DLGAP1: variants seen among roughly 807,000 people sequenced by gnomAD.
The protein encoded by DLGAP1 is disks large-associated protein 1.
Under a neutral mutation model 90.8 loss-of-function variants are expected in DLGAP1, and 11 were observed. The observed-to-expected ratio is 0.12, with a 90% CI of 0.08 to 0.20. The LOEUF is 0.20. Among genes scored for constraint, DLGAP1 ranks in the 10% least tolerant of loss-of-function variants. DLGAP1 has a pLI of 1.00. For synonymous variants in DLGAP1, 558 were observed against 540.7 expected, an observed-to-expected ratio of 1.03 and a Z score of -0.44; for missense variants, 1,050 against 1,333.8, an observed-to-expected ratio of 0.79 and a Z score of 3.31.
At chr18:4,014,084 CT>C (rs11422016) in intron 2 of DLGAP1, 43 of 126,458 alleles carry the variant, frequency 3.4e-4, no homozygotes, top group South Asian at 5.1e-4. Flanking sequence ...ACTTAGCCCA[CT>C]TTTTTTTTTT....
intron 5 of DLGAP1, among the ~76,000 whole-genome samples, chr18:3,796,911 C>T (rs2066017397): frequency 6.6e-6 from 1 of 152,112 alleles, no homozygotes; most frequent in African/African-American, 2.4e-5. Context: ...TGTTTTCCTC[C>T]TGATTCATAT....
intron 3 of DLGAP1, among the ~76,000 whole-genome samples, chr18:3,898,931 A>C (rs532554227): frequency 6.6e-6 from 1 of 151,648 alleles, no homozygotes; most frequent in East Asian, 1.9e-4. Flanking sequence ...AAGTAAAGTA[A>C]AGGATTCTAG....
rs886660692 is a variant in DLGAP1, at chr18:3,568,178, C to T, written c.1966-597G>A. On this transcript the variant is annotated intron_variant, in intron 8 of 12. Transcript: ENST00000315677. ...CCTCCCAAAGTGTTGAGATTACAGGCGTGAGCCACCACGCCCGGCCTGGAA... is the reference window on the plus strand; with the variant it reads ...CCTCCCAAAGTGTTGAGATTACAGGTGTGAGCCACCACGCCCGGCCTGGAA... 9.9e-5 allele frequency among the ~76,000 whole-genome samples: 15 copies of T among 152,116 alleles called. No homozygotes were observed. In the East Asian group the frequency reaches 2.5e-3, roughly 25 times the overall value.
intron 1 of DLGAP1, among the ~76,000 whole-genome samples, chr18:4,215,731 G>A (rs534642883): frequency 6.6e-6 from 1 of 152,198 alleles, no homozygotes; most frequent in Non-Finnish European, 1.5e-5. Context: ...TAAAACTCAA[G>A]TAATGGCTTG....
intron 1 of DLGAP1, among the ~76,000 whole-genome samples, chr18:4,161,553 T>C (rs1306298589): frequency 6.6e-6 from 1 of 152,164 alleles, no homozygotes; most frequent in Non-Finnish European, 1.5e-5. Context: ...GCAATGAACA[T>C]AAGTTTTCCC....
intron 1 of DLGAP1, among the ~76,000 whole-genome samples, chr18:4,420,084 T>C (rs529513571): frequency 5.3e-5 from 8 of 152,312 alleles, no homozygotes; most frequent in Admixed American, 2.6e-4. Flanking sequence ...TGAGAAATAT[T>C]ATCAGTGATA....
chr18:3,710,142 C>T (rs1226830289), intron 7 of DLGAP1, among the ~76,000 whole-genome samples: 1 of 152,136 alleles, frequency 6.6e-6, no homozygotes, highest in Non-Finnish European at 1.5e-5. Flanking sequence ...GTGCAGTGGG[C>T]TCTCTCCATA....
At chr18:3,798,320 G>A (rs1032154641) in intron 5 of DLGAP1, among the ~76,000 whole-genome samples, 16 of 152,210 alleles carry the variant, frequency 1.1e-4, no homozygotes, top group African/African-American at 3.6e-4. Flanking sequence ...CATAGTCAGA[G>A]GACAAAGCTG....
At chr18:3,597,499 C>T (rs1049774531) in intron 7 of DLGAP1, 25 of 342,282 alleles carry the variant, frequency 7.3e-5, no homozygotes, top group Admixed American at 4.6e-5. Context: ...GTGTATGAAC[C>T]AGGGTCCGTC....
chr18:4,249,596 T>C (rs192975557), intron 1 of DLGAP1, among the ~76,000 whole-genome samples: 22 of 152,284 alleles, frequency 1.4e-4, no homozygotes, highest in African/African-American at 5.3e-4. Flanking sequence ...TTTATTTATT[T>C]TTTTCTTTTG....
intron 2 of DLGAP1, among the ~76,000 whole-genome samples, chr18:4,134,731 C>A (rs996025514): frequency 6.6e-6 from 1 of 152,064 alleles, no homozygotes; most frequent in African/African-American, 2.4e-5. Context: ...ATTTGAATTT[C>A]TTATTACCGA....
At chr18:4,150,606 G>A (rs1053455429) in intron 2 of DLGAP1, among the ~76,000 whole-genome samples, 1 of 152,132 alleles carries the variant, frequency 6.6e-6, no homozygotes, top group Non-Finnish European at 1.5e-5. Flanking sequence ...GCTAATTTTT[G>A]TATTTTTAGT....
intron 4 of DLGAP1, among the ~76,000 whole-genome samples, chr18:3,876,212 G>A (rs965016067): frequency 1.5e-5 from 2 of 133,112 alleles, no homozygotes; most frequent in Non-Finnish European, 1.6e-5. Context: ...AAGCAAGAAG[G>A]GAGCCAGAAG....
intron 1 of DLGAP1, among the ~76,000 whole-genome samples, chr18:4,419,502 T>C (rs1343198279): frequency 2.6e-5 from 4 of 152,094 alleles, no homozygotes; most frequent in South Asian, 2.1e-4. Flanking sequence ...GTGCTGAAAA[T>C]AGAATCAATG....
chr18:4,041,671 C>T (rs182837319), intron 2 of DLGAP1, among the ~76,000 whole-genome samples: 1 of 152,264 alleles, frequency 6.6e-6, no homozygotes, highest in Admixed American at 6.5e-5. Context: ...TTTCAATATC[C>T]CACCCTTGCC....
chr18:3,550,471 C>T (rs951421786), intron 9 of DLGAP1, among the ~76,000 whole-genome samples: 2 of 152,134 alleles, frequency 1.3e-5, no homozygotes, highest in African/African-American at 4.8e-5. Flanking sequence ...AGCAATCATC[C>T]TGCCTCAGCC....
chr18:3,732,148 T>C (rs1399467140), intron 6 of DLGAP1, among the ~76,000 whole-genome samples: 3 of 152,244 alleles, frequency 2.0e-5, no homozygotes, highest in Non-Finnish European at 1.5e-5. Context: ...TGGGTTTTGC[T>C]GATTTCATAC....
At chr18:4,004,487 T>C (rs751889513) in intron 3 of DLGAP1, among the ~76,000 whole-genome samples, 2 of 152,186 alleles carry the variant, frequency 1.3e-5, no homozygotes, top group Non-Finnish European at 2.9e-5. Context: ...CATTCAAGGT[T>C]AGTGTTCCAT....
chr18:4,061,467 TACA>T (rs764936018), intron 2 of DLGAP1, among the ~76,000 whole-genome samples: 4 of 152,164 alleles, frequency 2.6e-5, no homozygotes, highest in African/African-American at 4.8e-5. Flanking sequence ...GGAATAAAAG[TACA>T]ACATTTTTTT....
Sources: gnomAD v4.1 joint callset for allele counts (sites outside exome capture counted in the v4.1 genomes callset) on GRCh38, gnomAD v4.1.1 for gene constraint, MANE v1.5 for transcripts, NCBI Gene and HGNC (gene_info 2026-07-23, HGNC 2026-07-21) for gene names.